Variants in ELK4 observed in about 807,000 individuals in gnomAD.
ELK4 encodes the protein ETS domain-containing protein Elk-4.
ELK4 carries 16 observed loss-of-function variants against 29.6 expected under a neutral mutation model. The observed-to-expected ratio is 0.54, with a 90% CI of 0.37 to 0.82. The LOEUF (loss-of-function observed/expected upper bound fraction) is 0.82. Ranked by LOEUF, ELK4 falls within the 40% of genes least tolerant of loss-of-function variation. The pLI is 0.00. For synonymous variants in ELK4, 213 were observed against 191.1 expected, an observed-to-expected ratio of 1.11 and a Z score of -0.95; for missense variants, 465 against 507.1, an observed-to-expected ratio of 0.92 and a Z score of 0.80.
At position 205,623,793 on chromosome 1, in the gene ELK4, A is replaced by G. The variant is rs746789841; in HGVS notation, c.90T>C (p.Asp30=). Residue 30 remains aspartate, a synonymous_variant, in exon 2 of 5, where the codon GAT becomes GAC. Coordinates refer to ENST00000357992, the MANE Select transcript of ELK4 (RefSeq NM_001973.4). ...NKHMICWTSN[D]GQFKLLQAEE... is the part of the protein sequence containing the mutation. The stretch of plus-strand genomic sequence containing the variant: ...CTGCCTGCAAAAGCTTAAACTGCCC[A>G]TCATTAGAGGTCCAACAGATCATGT... 6.8e-6 allele frequency: 11 copies of G among 1,614,052 alleles called. No individual in the cohort carries two copies. Among genetic ancestry groups the G allele is most frequent in the African/African-American group, 1.3e-5 (1 of 74,918 alleles).
At chr1:205,628,919 A>T (rs1324250868) in intron 1 of ELK4, among the ~76,000 whole-genome samples, 1 of 152,184 alleles carries the variant, frequency 6.6e-6, no homozygotes, top group African/African-American at 2.4e-5. Flanking sequence ...CACGCCTATA[A>T]TCCCAACACT....
chr1:205,630,323 T>A (rs953864455), intron 1 of ELK4, among the ~76,000 whole-genome samples: 1 of 152,310 alleles, frequency 6.6e-6, no homozygotes, highest in Admixed American at 6.5e-5. Flanking sequence ...AGGGAGCATG[T>A]TGAAGTAATG....
At chr1:205,619,686 G>C in intron 3 of ELK4, 3 of 1,418,238 alleles carry the variant, frequency 2.1e-6, no homozygotes, top group Non-Finnish European at 2.7e-6. Context: ...CCGAGAGAGA[G>C]CGAGAGAGTG....
chr1:205,620,881 C>A, intron 2 of ELK4, 43 bp from the exon 3 acceptor site: 1 of 1,540,994 alleles, frequency 6.5e-7, no homozygotes, highest in Non-Finnish European at 8.7e-7. Flanking sequence ...TTCTTATAAA[C>A]TTATATCCCA....
chr1:205,626,025 G>A (rs140566664), intron 1 of ELK4: 29,176 of 1,447,952 alleles, frequency 0.02, 435 homozygotes, highest in African/African-American at 0.052. Context: ...AGCTGAGGAT[G>A]CCTTGTTTTT....
chr1:205,624,992 T>C (rs1670424991), intron 1 of ELK4, among the ~76,000 whole-genome samples: 1 of 152,154 alleles, frequency 6.6e-6, no homozygotes, highest in South Asian at 2.1e-4. Flanking sequence ...TCCGTATAAG[T>C]GTGTCCTAAG....
Position 205,615,435 on chromosome 1 carries a change from C to T in ELK4, c.*1111G>A, listed in dbSNP as rs1670217054. On this transcript the variant is annotated 3_prime_UTR_variant, in exon 5 of 5. Coordinates refer to ENST00000357992, the MANE Select transcript of ELK4 (RefSeq NM_001973.4). ...AAAAAAGGAAATAAGCACATCTTCG[C>T]TCCTGACTGGGGAGGCTTCACTTTG... 1 of 172,248 alleles carries T rather than the reference C, an allele frequency of 5.8e-6. No individual in the cohort carries two copies. The highest frequency in any genetic ancestry group is 2.0e-4 in the South Asian group (1 of 4,928). 10.7% of individuals were successfully genotyped at this position (172,248 alleles called of 1,614,324 possible).
At chr1:205,631,366 C>T (rs1670582039) in intron 1 of ELK4, among the ~76,000 whole-genome samples, 1 of 151,580 alleles carries the variant, frequency 6.6e-6, no homozygotes, top group Non-Finnish European at 1.5e-5. Context: ...TCCCCATCCA[C>T]GCCGAAAAAA....
At chr1:205,625,892 T>C in intron 1 of ELK4, 1 of 692,404 alleles carries the variant, frequency 1.4e-6, no homozygotes, top group South Asian at 1.5e-5. Context: ...TTGGTCAGGC[T>C]GGTCTTGAAC....
intron 3 of ELK4, chr1:205,619,515 T>C (rs999617090): frequency 9.1e-7 from 1 of 1,097,726 alleles, no homozygotes; most frequent in East Asian, 4.9e-5. Context: ...TCTACTAAAA[T>C]GTTCTATGAG....
At chr1:205,618,691 T>C (rs2102377358) in intron 4 of ELK4, among the ~76,000 whole-genome samples, 1 of 152,208 alleles carries the variant, frequency 6.6e-6, no homozygotes, top group Admixed American at 6.5e-5. Flanking sequence ...GACGTGGTGT[T>C]GCACACCTGT....
At chr1:205,621,760 C>T (rs921558748) in intron 2 of ELK4, among the ~76,000 whole-genome samples, 1 of 151,808 alleles carries the variant, frequency 6.6e-6, no homozygotes, top group African/African-American at 2.4e-5. Context: ...CTCAACTGAT[C>T]CACCCACCCC....
chr1:205,609,486 T>G lies in ELK4; in HGVS notation c.*7060A>C, dbSNP rs1670122476. On this transcript the variant is annotated 3_prime_UTR_variant, in exon 5 of 5. Transcript: ENST00000357992. ...AAATAGGCCTCAAGGAATAAAAAAT[T>G]AATTGTATTCGTTTCTTTTCTATCT... is the stretch of plus-strand genomic sequence containing the variant. 1 of 193,122 alleles carries G rather than the reference T, an allele frequency of 5.2e-6. No homozygotes were observed. Among genetic ancestry groups the G allele is most frequent in the South Asian group, 1.9e-4 (1 of 5,190 alleles). 12.0% of individuals were successfully genotyped at this position (193,122 alleles called of 1,614,324 possible).
At position 205,609,906 on chromosome 1, in the gene ELK4, C is replaced by A. The variant is rs1271277190; in HGVS notation, c.*6640G>T. The A allele has an allele frequency of 4.4e-6, 1 of 228,366 alleles. No individual in the cohort carries two copies. Among genetic ancestry groups the A allele is most frequent in the Non-Finnish European group, 8.7e-6 (1 of 115,066 alleles). 14.1% of individuals were successfully genotyped at this position (228,366 alleles called of 1,614,324 possible). Reference sequence around the variant, plus strand: ...TTAGGTAACCCATTTATCCCTTCTACAAACACCCTATAAATTCCAGAAAAC... The same window carrying A: ...TTAGGTAACCCATTTATCCCTTCTAAAAACACCCTATAAATTCCAGAAAAC... On this transcript the variant is annotated 3_prime_UTR_variant, in exon 5 of 5. Coordinates refer to ENST00000357992, the MANE Select transcript of ELK4 (RefSeq NM_001973.4).
intron 1 of ELK4, chr1:205,626,212 C>G (rs1670456891): frequency 1.8e-6 from 1 of 563,568 alleles, no homozygotes; most frequent in African/African-American, 1.9e-5. Context: ...GCCTCCCTTT[C>G]TTGACCTCCT....
At chr1:205,629,352 T>C (rs940694096) in intron 1 of ELK4, among the ~76,000 whole-genome samples, 1 of 152,200 alleles carries the variant, frequency 6.6e-6, no homozygotes, top group Non-Finnish European at 1.5e-5. Context: ...AACGTCTTCT[T>C]ACATAGTTAA....
Position 205,620,113 on chromosome 1 carries a change from G to C in ELK4, c.933C>G (p.Asp311Glu). The C allele has an allele frequency of 6.2e-7, 1 of 1,614,142 alleles. No homozygotes were observed. The highest frequency in any genetic ancestry group is 8.5e-7 in the Non-Finnish European group (1 of 1,180,020). ...TGGATCTTGATGAATTATTTACTTT[G>C]TCCTTTTCTAGCAAGACTGAATCCT... The part of the protein sequence containing the change: ...KDQDSVLLEK[D>E]KVNNSSRSKK... Residue 311 changes from aspartate to glutamate, a missense_variant, in exon 3 of 5, where the codon GAC becomes GAG. Asp to Glu is a conservative substitution (Grantham distance 45). Transcript: ENST00000357992.
In ELK4 at chr1:205,608,535, G is replaced by C. The variant is rs955734841; in HGVS notation, c.*8011C>G. Reference sequence around the variant, plus strand: ...CTAACATGAAGTTTAATAAATGTTAGCAGTGACCATTTTAATTGCTTTTTT... The same window carrying C: ...CTAACATGAAGTTTAATAAATGTTACCAGTGACCATTTTAATTGCTTTTTT... On this transcript the variant is annotated 3_prime_UTR_variant, in exon 5 of 5. Transcript: ENST00000357992. The C allele has an allele frequency of 6.2e-5, 12 of 192,128 alleles. No homozygotes were observed. Among genetic ancestry groups the C allele is most frequent in the African/African-American group, 2.6e-4 (11 of 42,990 alleles). 11.9% of individuals were successfully genotyped at this position (192,128 alleles called of 1,614,324 possible).
At position 205,620,494 on chromosome 1, in the gene ELK4, G is replaced by A; in HGVS notation, c.552C>T (p.Pro184=). Residue 184 remains proline (P), a synonymous_variant, in exon 3 of 5, where the codon CCC becomes CCT. Transcript: ENST00000357992. ...KLAEKKSPQE[P]TPSVIKFVTT... ...TGACAAATTTGATGACAGATGGTGTGGGCTCCTGAGGAGATTTTTTCTCTG... is the reference window on the plus strand; with the variant it reads ...TGACAAATTTGATGACAGATGGTGTAGGCTCCTGAGGAGATTTTTTCTCTG... The A allele has an allele frequency of 6.2e-7, 1 of 1,614,122 alleles. No individual in the cohort carries two copies. Among genetic ancestry groups the A allele is most frequent in the South Asian group, 1.1e-5 (1 of 91,070 alleles).
Sources: gnomAD v4.1 joint callset for allele counts (sites outside exome capture counted in the v4.1 genomes callset) on GRCh38, gnomAD v4.1.1 for gene constraint, MANE v1.5 for transcripts, NCBI Gene and HGNC (gene_info 2026-07-23, HGNC 2026-07-21) for gene names.